The following CDH4 variants were observed in gnomAD, a reference collection of about 807,000 sequenced individuals.
The protein encoded by CDH4 is cadherin 4, also known as cadherin-4.
A neutral mutation model predicts 86.0 loss-of-function variants in CDH4; 33 were observed. That is an observed-to-expected ratio of 0.38 (90% CI 0.29 to 0.51). The LOEUF (loss-of-function observed/expected upper bound fraction) is 0.51. Ranked by LOEUF, CDH4 falls within the 20% of genes least tolerant of loss-of-function variation. The pLI, the probability that CDH4 is intolerant of heterozygous loss-of-function variation, is 0.86. For missense variants in CDH4, 1,114 were observed against 1,307.4 expected (o/e 0.85, Z 2.28); for synonymous variants, 555 against 549.4 (o/e 1.01, Z -0.14).
chr20:61,683,609 G>T (rs751245821), intron 2 of CDH4, among the ~76,000 whole-genome samples: 15 of 152,188 alleles, frequency 9.9e-5, no homozygotes, highest in Admixed American at 6.5e-5. Context: ...GAACCTTGTT[G>T]GTAGCTTGTC....
rs1362141938 is a variant in CDH4, at chr20:61,477,844, A to T, written c.169+222907A>T. On this transcript the variant is annotated intron_variant, in intron 2 of 15. Transcript: ENST00000614565. The stretch of plus-strand genomic sequence containing the variant: ...CAGCTCATGATCCCGTTGCTGGGTG[A>T]ATGCTTTAAAAGGTAGTGTTCTCAA... Among the ~76,000 whole-genome samples, 3 of 152,152 alleles carry T rather than the reference A, an allele frequency of 2.0e-5. No individual in the cohort carries two copies. The East Asian group carries it at 5.8e-4, about 29-fold the overall frequency.
intron 2 of CDH4, among the ~76,000 whole-genome samples, chr20:61,682,915 G>A (rs2087533343): frequency 6.6e-6 from 1 of 152,000 alleles, no homozygotes; most frequent in Non-Finnish European, 1.5e-5. Flanking sequence ...CACCCATCTA[G>A]TATTTCCTTT....
intron 2 of CDH4, among the ~76,000 whole-genome samples, chr20:61,468,355 G>A (rs2085484808): frequency 1.3e-5 from 1 of 76,550 alleles, no homozygotes; most frequent in Non-Finnish European, 2.5e-5. Flanking sequence ...CTTTGGGTAA[G>A]GTTAAATTCT....
intron 2 of CDH4, among the ~76,000 whole-genome samples, chr20:61,593,032 A>G (rs2086529461): frequency 6.6e-6 from 1 of 152,170 alleles, no homozygotes; most frequent in African/African-American, 2.4e-5. Flanking sequence ...TCAGAGAAGA[A>G]GTGGCAGTGG....
At chr20:61,936,178 G>A (rs1000929849) in intron 15 of CDH4, among the ~76,000 whole-genome samples, 5 of 151,980 alleles carry the variant, frequency 3.3e-5, no homozygotes, top group Non-Finnish European at 7.4e-5. Context: ...ACAATGGTCA[G>A]CTAGACTGGA....
intron 2 of CDH4, among the ~76,000 whole-genome samples, chr20:61,639,250 G>C (rs758987409): frequency 1.3e-5 from 2 of 152,196 alleles, no homozygotes; most frequent in Non-Finnish European, 2.9e-5. Context: ...TGCAATTATA[G>C]TCTGTGCTGT....
At chr20:61,414,911 C>T (rs1010319376) in intron 2 of CDH4, among the ~76,000 whole-genome samples, 1 of 152,216 alleles carries the variant, frequency 6.6e-6, no homozygotes, top group African/African-American at 2.4e-5. Flanking sequence ...GGAGGAGCTG[C>T]CCCATGCATG....
intron 2 of CDH4, among the ~76,000 whole-genome samples, chr20:61,374,803 A>AT (rs1482378116): frequency 1.3e-5 from 2 of 152,186 alleles, no homozygotes; most frequent in Non-Finnish European, 2.9e-5. Context: ...TGGCATTAAC[A>AT]TCAACACAGT....
chr20:61,793,050 C>T (rs543296474), intron 4 of CDH4, among the ~76,000 whole-genome samples: 6 of 152,082 alleles, frequency 3.9e-5, no homozygotes, highest in Admixed American at 1.3e-4. Flanking sequence ...GCAACCTCTG[C>T]CTCCTGGGTT....
chr20:61,353,626 CTCATCCTCCTCCTCT>C (rs1568810254), intron 2 of CDH4, among the ~76,000 whole-genome samples: 1 of 63,430 alleles, frequency 1.6e-5, no homozygotes, highest in South Asian at 8.2e-4. Context: ...CCTCCTCCTC[CTCATCCTCCTCCTCT>C]TCCCCCTCCT....
At chr20:61,339,199 A>T (rs991941847) in intron 2 of CDH4, among the ~76,000 whole-genome samples, 2 of 152,218 alleles carry the variant, frequency 1.3e-5, no homozygotes, top group Non-Finnish European at 2.9e-5. Context: ...TTTTGTGTTC[A>T]TATGGAATGA....
intron 4 of CDH4, among the ~76,000 whole-genome samples, chr20:61,814,454 C>T (rs1003337493): frequency 7.2e-5 from 11 of 152,182 alleles, no homozygotes; most frequent in Admixed American, 2.0e-4. Flanking sequence ...CGCTCGACGA[C>T]GATCCCTGCA....
chr20:61,281,048 T>A (rs2084255962), intron 2 of CDH4, among the ~76,000 whole-genome samples: 1 of 152,168 alleles, frequency 6.6e-6, no homozygotes, highest in Non-Finnish European at 1.5e-5. Flanking sequence ...AGGAGGGACA[T>A]AATGGTAGAA....
chr20:61,512,875 G>A (rs548806884), intron 2 of CDH4, among the ~76,000 whole-genome samples: 1 of 152,368 alleles, frequency 6.6e-6, no homozygotes, highest in African/African-American at 2.4e-5. Context: ...GGACATGGAT[G>A]GATTTGTGAT....
rs2085154425 is a variant in CDH4 at position 61,417,695 on chromosome 20, G to T, written c.169+162758G>T. The stretch of plus-strand genomic sequence containing the variant: ...TCAGAACATGCATTTCTCCTGACTT[G>T]TATTACTCATTTTACGGCTGGAGAC... On this transcript the variant is annotated intron_variant, in intron 2 of 15. Coordinates refer to ENST00000614565, the MANE Select transcript of CDH4 (RefSeq NM_001794.5). This position sits in a 1 kb window ranked among gnomAD's most constrained non-coding sequence, Gnocchi z 4.0. Among the ~76,000 whole-genome samples, 1 of 152,218 alleles carries T rather than the reference G, an allele frequency of 6.6e-6. No homozygotes were observed. The highest frequency in any genetic ancestry group is 1.5e-5 in the Non-Finnish European group (1 of 68,048).
chr20:61,590,952 C>T (rs367557456), intron 2 of CDH4, among the ~76,000 whole-genome samples: 160 of 151,946 alleles, frequency 1.1e-3, no homozygotes, highest in African/African-American at 3.5e-3. Flanking sequence ...TGGTCTCCAC[C>T]GCCAATGCTG....
chr20:61,799,200 C>T (rs896071353), intron 4 of CDH4, among the ~76,000 whole-genome samples: 1 of 152,138 alleles, frequency 6.6e-6, no homozygotes, highest in Non-Finnish European at 1.5e-5. Context: ...GTCTTACTAC[C>T]TCTATGAGGA....
intron 2 of CDH4, among the ~76,000 whole-genome samples, chr20:61,595,693 C>T (rs892934099): frequency 2.6e-5 from 4 of 152,186 alleles, no homozygotes; most frequent in African/African-American, 7.2e-5. Context: ...TAGCGAGGCT[C>T]GTTTCGATAC....
chr20:61,326,709 C>T (rs1042698144), intron 2 of CDH4, among the ~76,000 whole-genome samples: 1 of 152,168 alleles, frequency 6.6e-6, no homozygotes, highest in Non-Finnish European at 1.5e-5. Context: ...TGAAATTCCA[C>T]AGGACACAGC....
Sources: allele counts gnomAD v4.1 joint callset (sites outside exome capture counted in the v4.1 genomes callset), GRCh38; gene constraint gnomAD v4.1.1; non-coding constraint Gnocchi (gnomAD v3.1); transcripts MANE v1.5; gene names NCBI Gene and HGNC (gene_info 2026-07-23, HGNC 2026-07-21).